IGSF9B: variants seen among roughly 807,000 people sequenced by gnomAD.
IGSF9B encodes protein turtle homolog B.
In IGSF9B, 48 loss-of-function variants were observed where a neutral mutation model predicts 143.7. That is an observed-to-expected ratio of 0.33 (90% CI 0.26 to 0.42). The LOEUF (loss-of-function observed/expected upper bound fraction) is 0.42. Ranked by LOEUF, IGSF9B falls within the 20% of genes least tolerant of loss-of-function variation. The pLI, the probability that IGSF9B is intolerant of heterozygous loss-of-function variation, is 1.00. For missense variants in IGSF9B, 1,706 were observed against 1,980.0 expected, an observed-to-expected ratio of 0.86 and a Z score of 2.63; for synonymous variants, 903 against 833.1, an observed-to-expected ratio of 1.08 and a Z score of -1.44.
At chr11:133,935,965 C>A in intron 6 of IGSF9B, 88 bp downstream of exon 6, 1 of 1,503,628 alleles carries the variant, frequency 6.7e-7, no homozygotes, top group South Asian at 1.3e-5. Context: ...GAGCCACGGG[C>A]AGCCTGCCCG....
chr11:133,956,806 C>T lies in IGSF9B; in HGVS notation c.-52G>A. 3 of 1,206,500 alleles carry T rather than the reference C, an allele frequency of 2.5e-6. No individual in the cohort carries two copies. The highest frequency in any genetic ancestry group is 2.1e-5 in the South Asian group (1 of 47,470). 74.7% of individuals were successfully genotyped at this position (1,206,500 alleles called of 1,614,324 possible). A position where few individuals can be genotyped will look rare whatever the true frequency, so the allele number is the denominator to read the frequency against. The stretch of plus-strand genomic sequence containing the variant: ...CATCCTATCGCAAAGTGCTCCCGCG[C>T]CCGCACGCGCCTCGCGCCCGAGCGC... On this transcript the variant is annotated 5_prime_UTR_variant, in exon 1 of 20. Transcript: ENST00000533871.
At chr11:133,940,136 GCGTCATCGCACGCAAAAACACACCTCGCA>G (rs1939907717) in intron 3 of IGSF9B, among the ~76,000 whole-genome samples, 1 of 140,326 alleles carries the variant, frequency 7.1e-6, no homozygotes, top group Non-Finnish European at 1.5e-5. Context: ...GTCCTCGCAC[GCGTCATCGCACGCAAAAACACACCTCGCA>G]CGTCCTCGCA....
chr11:133,930,848 TTCA>T, intron 11 of IGSF9B, 133 bp downstream of exon 11: 4 of 888,538 alleles, frequency 4.5e-6, no homozygotes, highest in Non-Finnish European at 6.5e-6. Context: ...GGACGCGGAG[TTCA>T]GGGCTGCACT....
At chr11:133,910,296 C>A (rs1939281674) in intron 19 of IGSF9B, among the ~76,000 whole-genome samples, 2 of 152,114 alleles carry the variant, frequency 1.3e-5, no homozygotes, top group Non-Finnish European at 2.9e-5. Flanking sequence ...TGTGTGGAGT[C>A]CACGGTGCAA....
intron 1 of IGSF9B, chr11:133,952,007 G>A (rs1452804571): frequency 2.2e-6 from 1 of 453,866 alleles, no homozygotes; most frequent in Non-Finnish European, 4.4e-6. Context: ...CAGGAGGGAG[G>A]CAAGGGGCCA....
chr11:133,947,195 G>A (rs557807257), intron 1 of IGSF9B, among the ~76,000 whole-genome samples: 19 of 152,236 alleles, frequency 1.2e-4, no homozygotes, highest in East Asian at 9.7e-4. Flanking sequence ...GAAGAGCCAC[G>A]CACCCCAAGC....
chr11:133,947,142 C>T (rs689380), intron 1 of IGSF9B, among the ~76,000 whole-genome samples: 57,590 of 151,836 alleles, frequency 0.38, 12,022 homozygotes, highest in Middle Eastern at 0.52. Flanking sequence ...GGAGGACCAC[C>T]CCTGCCTCCA....
chr11:133,948,623 G>C lies in IGSF9B; in HGVS notation c.65-2365C>G, dbSNP rs2629151. Among the ~76,000 whole-genome samples the C allele has an allele frequency of 5.5e-5, 4 of 72,708 alleles. No homozygotes were observed. The South Asian group carries it at 1.7e-3, about 30-fold the overall frequency. The allele number at this position is 72,708 out of a possible 152,430, so 47.7% of individuals were successfully genotyped here. On this transcript the variant is annotated intron_variant, in intron 1 of 19. Coordinates refer to ENST00000533871, the MANE Select transcript of IGSF9B (RefSeq NM_001277285.4). The surrounding 1 kb of genome is among the most constrained non-coding windows in gnomAD (Gnocchi z 4.7). ...CCATGAGTTTGCAGAGAAGCTGTGT[G>C]TGTGTGTGTGTGTGTGTGTGTGTGT...
rs149536981 is a variant in IGSF9B at position 133,909,300 on chromosome 11, G to A, written c.4106-23C>T. 4.0e-6 allele frequency: 6 copies of A among 1,516,954 alleles called. No individual in the cohort carries two copies. The highest frequency in any genetic ancestry group is 4.9e-5 in the East Asian group (2 of 40,778). The allele number at this position is 1,516,954 out of a possible 1,614,324, so 94.0% of individuals were successfully genotyped here. On this transcript the variant is annotated intron_variant, in intron 19 of 19. Transcript: ENST00000533871. The surrounding 1 kb of genome is among the most constrained non-coding windows in gnomAD (Gnocchi z 4.2). ...CGTCTAGGAAGAAAGGAAGAGGGAC[G>A]CAAAAGAGAAGCAAGCGGATGAAAA...
In IGSF9B at chr11:133,911,903, T is replaced by C; in HGVS notation, c.4088A>G (p.Lys1363Arg). 6.5e-7 allele frequency: 1 copy of C among 1,531,362 alleles called. No homozygotes were observed. Among genetic ancestry groups the C allele is most frequent in the South Asian group, 1.2e-5 (1 of 83,264 alleles). 94.9% of individuals were successfully genotyped at this position (1,531,362 alleles called of 1,614,324 possible). A position where few individuals can be genotyped will look rare whatever the true frequency, so the allele number is the denominator to read the frequency against. Reference sequence around the variant, plus strand: ...TCATTTACCGGATCGTTTCTTTGACTTCGAAGAGCCCTTGGATGACTTTTT... The same window carrying C: ...TCATTTACCGGATCGTTTCTTTGACCTCGAAGAGCCCTTGGATGACTTTTT... ...KPKKSSKGSS[K>R]SKKRSDDSAS... The change falls in exon 19 of 20, where the codon AAG becomes AGG. Residue 1363 changes from lysine to arginine, a missense_variant. Lys to Arg is a conservative substitution (Grantham distance 26, BLOSUM62 2). Around this residue, in one of 7 missense-constraint regions of IGSF9B, gnomAD observed 880 missense variants for 762.9 expected, o/e 1.15. Coordinates refer to ENST00000533871, the MANE Select transcript of IGSF9B (RefSeq NM_001277285.4).
Position 133,919,891 on chromosome 11 carries a change from CAG to C in IGSF9B, c.3832_3833del (p.Leu1278GlyfsTer63). 6.3e-7 allele frequency: 1 copy of C among 1,584,578 alleles called. No homozygotes were observed. Among genetic ancestry groups the C allele is most frequent in the African/African-American group, 1.3e-5 (1 of 74,112 alleles). ...SYRPAMGFTTLATGYPSPPPG... is the reference protein window; with the variant it reads ...SYRPAMGFTTXATGYPSPPPG... ...GTGGAGGGGAAGGGTAGCCGGTGGC[CAG>C]AGTGGTGAAGCCCATGGCGGGCCGG... On this transcript the variant is annotated frameshift_variant, in exon 18 of 20. Coordinates refer to ENST00000533871, the MANE Select transcript of IGSF9B (RefSeq NM_001277285.4). LOFTEE classifies it high-confidence loss of function.
In IGSF9B at chr11:133,907,791, G is replaced by A. The variant is rs558613487; in HGVS notation, c.*1278C>T. The stretch of plus-strand genomic sequence containing the variant: ...GGGCAAAGAGGGCAGGATCCAGAGC[G>A]TCCCAGGCCCCAGCAGCCAGAGGCG... On this transcript the variant is annotated 3_prime_UTR_variant, in exon 20 of 20. Coordinates refer to ENST00000533871, the MANE Select transcript of IGSF9B (RefSeq NM_001277285.4). Among the ~76,000 whole-genome samples, 68 of 152,326 alleles carry A rather than the reference G, an allele frequency of 4.5e-4. No homozygotes were observed. The highest frequency in any genetic ancestry group is 1.6e-3 in the African/African-American group (66 of 41,578).
chr11:133,918,195 G>T (rs1180664509), intron 18 of IGSF9B, among the ~76,000 whole-genome samples: 2 of 152,088 alleles, frequency 1.3e-5, no homozygotes, highest in Non-Finnish European at 2.9e-5. Flanking sequence ...AGGAAGCAAT[G>T]GCCCGGCCGA....
intron 5 of IGSF9B, 38 bp from the exon 6 acceptor site, chr11:133,936,232 C>T (rs1364676825): frequency 6.9e-6 from 11 of 1,584,434 alleles, no homozygotes; most frequent in Non-Finnish European, 9.4e-6. Context: ...CTCGCCTGAT[C>T]AGGGACGGCA....
At chr11:133,941,804 C>A (rs557439218) in intron 3 of IGSF9B, among the ~76,000 whole-genome samples, 1 of 152,194 alleles carries the variant, frequency 6.6e-6, no homozygotes, top group South Asian at 2.1e-4. Context: ...CTTCCGAGCA[C>A]GCTTGTCCAC....
At position 133,948,978 on chromosome 11, in the gene IGSF9B, T is replaced by C. The variant is rs1344507867; in HGVS notation, c.65-2720A>G. Among the ~76,000 whole-genome samples the C allele has an allele frequency of 6.6e-6, 1 of 152,110 alleles. No individual in the cohort carries two copies. Among genetic ancestry groups the C allele is most frequent in the Non-Finnish European group, 1.5e-5 (1 of 68,018 alleles). On this transcript the variant is annotated intron_variant, in intron 1 of 19. Transcript: ENST00000533871. This position sits in a 1 kb window ranked among gnomAD's most constrained non-coding sequence, Gnocchi z 4.7. ...TGCACCGAGCCAGCCTCATTTTCAC[T>C]GCACAGCAACGAGGCAGGCTCTTCA...
Position 133,926,995 on chromosome 11 carries a change from T to C in IGSF9B, c.1728A>G (p.Thr576=), listed in dbSNP as rs1159859001. ...WLLVDTLEPE[T]AYQFSVLAQN... ...GGGCCAGGACGCTGAACTGGTACGC[T>C]GTCTCAGGCTCCAGGGTGTCCACCA... Residue 576 remains threonine (T), a synonymous_variant, in exon 13 of 20, where the codon ACA becomes ACG. Transcript: ENST00000533871. 8.2e-6 allele frequency: 13 copies of C among 1,585,260 alleles called. No homozygotes were observed. Among genetic ancestry groups the C allele is most frequent in the Non-Finnish European group, 1.0e-5 (12 of 1,166,350 alleles).
intron 13 of IGSF9B, among the ~76,000 whole-genome samples, chr11:133,926,463 A>G (rs1304486576): frequency 6.6e-6 from 1 of 152,214 alleles, no homozygotes; most frequent in African/African-American, 2.4e-5. Flanking sequence ...CTCTGGCTCC[A>G]GAGCAGAGCA....
rs769251754 is a variant in IGSF9B, at chr11:133,920,691, T to C, written c.3034A>G (p.Ile1012Val). 1.2e-6 allele frequency: 2 copies of C among 1,612,942 alleles called. No individual in the cohort carries two copies. The highest frequency in any genetic ancestry group is 8.5e-7 in the Non-Finnish European group (1 of 1,179,666). Residue 1012 changes from isoleucine to valine, a missense_variant, in exon 18 of 20, where the codon ATC becomes GTC. Around this residue, in one of 7 missense-constraint regions of IGSF9B, gnomAD observed 880 missense variants for 762.9 expected, o/e 1.15. Transcript: ENST00000533871. ...PTEGPFGHPT[I>V]PEENGENASN... The stretch of plus-strand genomic sequence containing the variant: ...GCATTCTCTCCATTCTCCTCGGGGA[T>C]GGTGGGGTGGCCAAAGGGCCCCTCG...
Sources: allele counts gnomAD v4.1 joint callset (sites outside exome capture counted in the v4.1 genomes callset), GRCh38; gene constraint gnomAD v4.1.1; regional missense constraint gnomAD v4.1.1; non-coding constraint Gnocchi (gnomAD v3.1); transcripts MANE v1.5; gene names NCBI Gene and HGNC (gene_info 2026-07-23, HGNC 2026-07-21).